Variants in NSD1 observed in about 807,000 individuals in gnomAD.
NSD1 encodes the protein histone-lysine N-methyltransferase, H3 lysine-36 specific.
Under a neutral mutation model 242.7 loss-of-function variants are expected in NSD1, and 26 were observed. That is an observed-to-expected ratio of 0.11 (90% CI 0.08 to 0.15). The LOEUF is 0.15. Among genes scored for constraint, NSD1 ranks in the 10% least tolerant of loss-of-function variants. The probability of loss-of-function intolerance (pLI) is 1.00; values close to 1 mark genes in which losing one functional copy is unlikely to be tolerated. For synonymous variants in NSD1, 1,106 were observed against 1,178.1 expected (o/e 0.94, Z 1.25); for missense variants, 2,495 against 3,272.8 (o/e 0.76, Z 5.80).
At chr5:177,202,690 T>C (rs1762599115) in intron 3 of NSD1, among the ~76,000 whole-genome samples, 1 of 152,168 alleles carries the variant, frequency 6.6e-6, no homozygotes, top group Non-Finnish European at 1.5e-5. Context: ...GTTCAATGTA[T>C]TGACTCATGG....
At chr5:177,212,702 C>T (rs1026576292) in intron 5 of NSD1, among the ~76,000 whole-genome samples, 4 of 151,922 alleles carry the variant, frequency 2.6e-5, no homozygotes, top group African/African-American at 7.3e-5. Context: ...TGAGAGGCTC[C>T]GATCCTAGGA....
intron 16 of NSD1, among the ~76,000 whole-genome samples, chr5:177,272,100 G>C (rs1305283525): frequency 6.6e-6 from 1 of 151,970 alleles, no homozygotes. Context: ...CAGAGCAAGC[G>C]AGACTCTGTG....
rs763399938 is a variant in NSD1, at chr5:177,211,899, G to T, written c.3500G>T (p.Arg1167Leu). ...CGGTGGCAGCGTTTAAACCAAAGGC[G>T]CACTAAACCTCGTAAGCGCATGAAC... is the stretch of plus-strand genomic sequence containing the variant. ...KKRWQRLNQR[R>L]TKPRKRMNRF... The change falls in exon 5 of 23, where the codon CGC (arginine) becomes CTC (leucine). Residue 1167 changes from arginine to leucine, a missense_variant. Coordinates refer to ENST00000439151, the MANE Select transcript of NSD1 (RefSeq NM_022455.5). The T allele has an allele frequency of 6.2e-7, 1 of 1,609,076 alleles. No homozygotes were observed. Among genetic ancestry groups the T allele is most frequent in the Non-Finnish European group, 8.5e-7 (1 of 1,177,706 alleles).
chr5:177,199,155 A>G (rs528569106), intron 3 of NSD1, among the ~76,000 whole-genome samples: 3 of 152,384 alleles, frequency 2.0e-5, no homozygotes, highest in African/African-American at 2.4e-5. Flanking sequence ...TCAGCAGTTA[A>G]TTTTAAAATA....
intron 2 of NSD1, among the ~76,000 whole-genome samples, chr5:177,138,191 G>T (rs528723643): frequency 6.6e-6 from 1 of 152,158 alleles, no homozygotes; most frequent in East Asian, 1.9e-4. Flanking sequence ...TATAAATGTA[G>T]AAGTTTTTTT....
At position 177,294,939 on chromosome 5, in the gene NSD1, A is replaced by G. The variant is rs760357535; in HGVS notation, c.7571A>G (p.Glu2524Gly). The change falls in exon 23 of 23, where the codon GAG becomes GGG. Residue 2524 changes from glutamate to glycine, a missense_variant. This residue lies in a region of NSD1 where 475 missense variants were observed against 563.7 expected (regional missense o/e 0.84). Coordinates refer to ENST00000439151, the MANE Select transcript of NSD1 (RefSeq NM_022455.5). Reference sequence around the variant, plus strand: ...TCTGGGAAAGCAGCAGCCCCTTCAGAGGACCCCTGGCAAGCTGTTAAATCA... The same window carrying G: ...TCTGGGAAAGCAGCAGCCCCTTCAGGGGACCCCTGGCAAGCTGTTAAATCA... The part of the protein sequence containing the change: ...QTSGKAAAPS[E>G]DPWQAVKSLT... The G allele has an allele frequency of 6.2e-7, 1 of 1,614,206 alleles. No homozygotes were observed. The highest frequency in any genetic ancestry group is 1.7e-5 in the Admixed American group (1 of 60,020).
intron 5 of NSD1, among the ~76,000 whole-genome samples, chr5:177,223,679 G>A (rs1294631556): frequency 6.6e-6 from 1 of 152,092 alleles, no homozygotes; most frequent in East Asian, 1.9e-4. Context: ...TCATAACTAC[G>A]TAAGAGGTTG....
At position 177,264,747 on chromosome 5, in the gene NSD1, C is replaced by T. The variant is rs182836158; in HGVS notation, c.5147-2815C>T. On this transcript the variant is annotated intron_variant, in intron 14 of 22. Coordinates refer to ENST00000439151, the MANE Select transcript of NSD1 (RefSeq NM_022455.5). ...AGGCCCTTTTGGCCGAAACTGCCAT[C>T]TTCCTGTAATTCGCCAAAATGACAA... is the stretch of plus-strand genomic sequence containing the variant. 2.9e-4 allele frequency: 208 copies of T among 723,992 alleles called. 2 individuals carry two copies. The East Asian group carries it at 5.4e-3, about 19-fold the overall frequency. 44.8% of individuals were successfully genotyped at this position (723,992 alleles called of 1,614,324 possible).
chr5:177,289,803 C>G (rs1759632650), intron 21 of NSD1, among the ~76,000 whole-genome samples: 1 of 150,868 alleles, frequency 6.6e-6, no homozygotes, highest in Non-Finnish European at 1.5e-5. Flanking sequence ...TGTCTATATT[C>G]TCCTTATTTT....
chr5:177,191,749 G>A (rs1761712982), intron 2 of NSD1, 135 bp from the exon 3 acceptor site: 11 of 849,450 alleles, frequency 1.3e-5, no homozygotes, highest in Middle Eastern at 2.5e-4. Flanking sequence ...TACTTATTTT[G>A]TAATTCTTTT....
At chr5:177,228,748 A>G (rs919984546) in intron 5 of NSD1, among the ~76,000 whole-genome samples, 1 of 152,204 alleles carries the variant, frequency 6.6e-6, no homozygotes, top group Non-Finnish European at 1.5e-5. Context: ...AGTCTTGATG[A>G]AAGAGATTTT....
Position 177,246,781 on chromosome 5 carries a change from G to C in NSD1, c.4482G>C (p.Glu1494Asp). Reference protein sequence around the residue: ...KKVKNDDSSKEIPGSEGELMP... With the variant: ...KKVKNDDSSKDIPGSEGELMP... ...TGAAAAATGATGACTCGTCAAAAGAGATTCCAGGCTCAGAGGTATTACTCA... is the reference window on the plus strand; with the variant it reads ...TGAAAAATGATGACTCGTCAAAAGACATTCCAGGCTCAGAGGTATTACTCA... The change falls in exon 10 of 23, where the codon GAG becomes GAC. Residue 1494 changes from glutamate (E) to aspartate (D), a missense_variant. By Grantham distance (45) the Glu-to-Asp change is conservative. Coordinates refer to ENST00000439151, the MANE Select transcript of NSD1 (RefSeq NM_022455.5). The C allele has an allele frequency of 6.2e-7, 1 of 1,612,424 alleles. No individual in the cohort carries two copies. The highest frequency in any genetic ancestry group is 8.5e-7 in the Non-Finnish European group (1 of 1,178,506).
intron 14 of NSD1, among the ~76,000 whole-genome samples, chr5:177,261,361 G>C (rs1001213785): frequency 2.0e-5 from 3 of 150,056 alleles, no homozygotes; most frequent in Non-Finnish European, 4.4e-5. Context: ...GATTACAGAC[G>C]TGAGCCAGTG....
At chr5:177,226,005 A>G (rs1164369860) in intron 5 of NSD1, among the ~76,000 whole-genome samples, 1 of 152,234 alleles carries the variant, frequency 6.6e-6, no homozygotes, top group Non-Finnish European at 1.5e-5. Context: ...ATATCCATGC[A>G]TAATGAGTTT....
At position 177,295,113 on chromosome 5, in the gene NSD1, A is replaced by C. The variant is rs533331445; in HGVS notation, c.7745A>C (p.Gln2582Pro). ...CCGGGCCTGGTGAAGCAGGCGAAGC[A>C]GATGGTCGGAGGCCAGCAACTACCT... ...QSPGLVKQAK[Q>P]MVGGQQLPAL... is the part of the protein sequence containing the mutation. Residue 2582 changes from glutamine to proline, a missense_variant, in exon 23 of 23, where the codon CAG becomes CCG. This residue lies in a region of NSD1 where 475 missense variants were observed against 563.7 expected (regional missense o/e 0.84). Coordinates refer to ENST00000439151, the MANE Select transcript of NSD1 (RefSeq NM_022455.5). This position sits in a 1 kb window ranked among gnomAD's most constrained non-coding sequence, Gnocchi z 4.3. 1 of 1,612,668 alleles carries C rather than the reference A, an allele frequency of 6.2e-7. No homozygotes were observed. Among genetic ancestry groups the C allele is most frequent in the South Asian group, 1.1e-5 (1 of 91,042 alleles).
intron 8 of NSD1, among the ~76,000 whole-genome samples, chr5:177,243,723 G>A (rs531399238): frequency 1.3e-5 from 2 of 151,896 alleles, no homozygotes; most frequent in African/African-American, 2.4e-5. Context: ...ATGGAGTCTC[G>A]CTTTTGTTGC....
At chr5:177,240,018 T>G (rs1234787998) in intron 8 of NSD1, among the ~76,000 whole-genome samples, 153 bp downstream of exon 8, 1 of 152,224 alleles carries the variant, frequency 6.6e-6, no homozygotes, top group Non-Finnish European at 1.5e-5. Context: ...ATTTCCTACA[T>G]GAAAGGCTGT....
rs1225458164 is a variant in NSD1 at position 177,300,059 on chromosome 5, C to A, written c.*4600C>A. On this transcript the variant is annotated 3_prime_UTR_variant, in exon 23 of 23. Coordinates refer to ENST00000439151, the MANE Select transcript of NSD1 (RefSeq NM_022455.5). Reference sequence around the variant, plus strand: ...GTCCATCATTGCTTTTTTGCCGCGCCCCCCCCCCCCCGCCCCCATAGATTG... The same window carrying A: ...GTCCATCATTGCTTTTTTGCCGCGCACCCCCCCCCCCGCCCCCATAGATTG... 6 of 23,982 alleles carry A rather than the reference C, an allele frequency of 2.5e-4. No individual in the cohort carries two copies. The highest frequency in any genetic ancestry group is 8.6e-4 in the African/African-American group (5 of 5,846). 1.5% of individuals were successfully genotyped at this position (23,982 alleles called of 1,614,324 possible).
At position 177,295,214 on chromosome 5, in the gene NSD1, A is replaced by G. The variant is rs1470268132; in HGVS notation, c.7846A>G (p.Lys2616Glu). 1.9e-6 allele frequency: 3 copies of G among 1,614,086 alleles called. No homozygotes were observed. Among genetic ancestry groups the G allele is most frequent in the Non-Finnish European group, 2.5e-6 (3 of 1,180,040 alleles). The stretch of plus-strand genomic sequence containing the variant: ...AGCCTCCCTCCCCACTGAAGAAAAG[A>G]AGTTGGTAACCACAGAGCAAAGTCC... ...APASLPTEEK[K>E]LVTTEQSPWA... The change falls in exon 23 of 23, where the codon AAG becomes GAG. Residue 2616 changes from lysine (K) to glutamate (E), a missense_variant. Around this residue, in one of 19 missense-constraint regions of NSD1, gnomAD observed 475 missense variants for 563.7 expected, o/e 0.84. Coordinates refer to ENST00000439151, the MANE Select transcript of NSD1 (RefSeq NM_022455.5). This position sits in a 1 kb window ranked among gnomAD's most constrained non-coding sequence, Gnocchi z 4.3.
Sources: allele counts gnomAD v4.1 joint callset (sites outside exome capture counted in the v4.1 genomes callset), GRCh38; gene constraint gnomAD v4.1.1; regional missense constraint gnomAD v4.1.1; non-coding constraint Gnocchi (gnomAD v3.1); transcripts MANE v1.5; gene names NCBI Gene and HGNC (gene_info 2026-07-23, HGNC 2026-07-21).